Variants in EXT1 observed in about 807,000 individuals in gnomAD.
EXT1 encodes exostosin-1.
Under a neutral mutation model 82.5 loss-of-function variants are expected in EXT1, and 20 were observed. The ratio of observed to expected loss-of-function variants is 0.24; its 90% CI spans 0.17 to 0.35. The LOEUF (loss-of-function observed/expected upper bound fraction) is 0.35. EXT1 is among the 10% of genes least tolerant of loss of function. The probability of loss-of-function intolerance (pLI) is 1.00; values close to 1 mark genes in which losing one functional copy is unlikely to be tolerated. For synonymous variants in EXT1, 348 were observed against 350.8 expected (o/e 0.99, Z 0.09); for missense variants, 757 against 936.5 (o/e 0.81, Z 2.50).
At chr8:117,929,723 C>T (rs920999157) in intron 1 of EXT1, among the ~76,000 whole-genome samples, 2 of 152,166 alleles carry the variant, frequency 1.3e-5, no homozygotes, top group Non-Finnish European at 2.9e-5. Context: ...CTTTCACAGC[C>T]GGATTAACAT....
chr8:117,874,633 G>C (rs1213881429), intron 1 of EXT1, among the ~76,000 whole-genome samples: 1 of 145,322 alleles, frequency 6.9e-6, no homozygotes, highest in Admixed American at 6.8e-5. Context: ...TAATTTGATA[G>C]ATGAGCTATC....
intron 1 of EXT1, among the ~76,000 whole-genome samples, chr8:118,066,353 T>TTTATTTAA (rs1563645320): frequency 5.3e-5 from 8 of 150,636 alleles, no homozygotes; most frequent in Non-Finnish European, 1.2e-4. Context: ...TATTTATTTA[T>TTTATTTAA]TTATTTATTT....
intron 1 of EXT1, among the ~76,000 whole-genome samples, chr8:117,997,134 C>T (rs1271776675): frequency 6.6e-6 from 1 of 151,860 alleles, no homozygotes; most frequent in African/African-American, 2.4e-5. Context: ...CAATGAAGCT[C>T]ATTAACTAGG....
chr8:117,893,303 A>G (rs191020954), intron 1 of EXT1, among the ~76,000 whole-genome samples: 1 of 152,340 alleles, frequency 6.6e-6, no homozygotes, highest in Non-Finnish European at 1.5e-5. Flanking sequence ...GAAAAACATG[A>G]GCATTTTCCA....
intron 1 of EXT1, among the ~76,000 whole-genome samples, chr8:117,857,782 T>C (rs113565847): frequency 1.3e-5 from 2 of 152,212 alleles, no homozygotes; most frequent in African/African-American, 4.8e-5. Context: ...CTGACAGAGA[T>C]GGTGATTCCT....
intron 1 of EXT1, among the ~76,000 whole-genome samples, chr8:118,069,799 C>T (rs1817054704): frequency 6.6e-6 from 1 of 151,878 alleles, no homozygotes; most frequent in Admixed American, 6.6e-5. Context: ...ATGCAAGGAC[C>T]AGGGTGAAAA....
chr8:117,858,849 GAAAGAAAGAAAGAAAGAAAGAAAGAAA>G (rs1563582284), intron 1 of EXT1, among the ~76,000 whole-genome samples: 7,288 of 74,020 alleles, frequency 0.098, 1,031 homozygotes, highest in Middle Eastern at 0.12. Flanking sequence ...AGGAAGGAAA[GAAAGAAAGAAAGAAAGAAAGAAAGAAA>G]GAAAGAAAGA....
intron 1 of EXT1, among the ~76,000 whole-genome samples, chr8:118,103,632 C>T (rs1004478022): frequency 2.0e-5 from 3 of 152,102 alleles, no homozygotes; most frequent in African/African-American, 4.8e-5. Context: ...CCACCTGCAG[C>T]GACATCTCCA....
chr8:117,906,548 C>T lies in EXT1; in HGVS notation c.963-69347G>A, dbSNP rs186101479. ...AATATCCTCCAGTATGACAGCTCTC[C>T]AACACCTTATGACCTCAGAAAATGT... On this transcript the variant is annotated intron_variant, in intron 1 of 10. Transcript: ENST00000378204. Among the ~76,000 whole-genome samples the T allele has an allele frequency of 2.6e-5, 4 of 152,298 alleles. No individual in the cohort carries two copies. The East Asian group carries it at 7.7e-4, about 29-fold the overall frequency.
At chr8:117,835,130 A>G (rs763523645) in intron 3 of EXT1, among the ~76,000 whole-genome samples, 1 of 152,238 alleles carries the variant, frequency 6.6e-6, no homozygotes, top group Non-Finnish European at 1.5e-5. Context: ...GTAGGGTAGA[A>G]TAAAAACTCT....
At chr8:117,918,123 A>C (rs1813788691) in intron 1 of EXT1, among the ~76,000 whole-genome samples, 1 of 152,158 alleles carries the variant, frequency 6.6e-6, no homozygotes, top group South Asian at 2.1e-4. Context: ...ACAGCACGAG[A>C]TGCTGTAACA....
At chr8:118,101,719 C>A (rs75420977) in intron 1 of EXT1, among the ~76,000 whole-genome samples, 1 of 152,126 alleles carries the variant, frequency 6.6e-6, no homozygotes, top group East Asian at 1.9e-4. Flanking sequence ...TTCAAAGGCC[C>A]CCTGGCAGGA....
chr8:117,849,747 A>C (rs1156467604), intron 1 of EXT1, among the ~76,000 whole-genome samples: 19 of 152,206 alleles, frequency 1.2e-4, no homozygotes. Context: ...TTAATAACTA[A>C]AGCATTTATG....
intron 1 of EXT1, among the ~76,000 whole-genome samples, chr8:117,847,095 G>C (rs986481190): frequency 6.6e-6 from 1 of 152,096 alleles, no homozygotes; most frequent in African/African-American, 2.4e-5. Context: ...CTTAAGGGCC[G>C]GCCTACTGTA....
chr8:118,017,679 T>G (rs1284119067), intron 1 of EXT1, among the ~76,000 whole-genome samples: 1 of 152,224 alleles, frequency 6.6e-6, no homozygotes, highest in Non-Finnish European at 1.5e-5. Flanking sequence ...CAAAATGGCT[T>G]TTGCAAATTA....
chr8:118,011,689 T>A (rs1815902735), intron 1 of EXT1, among the ~76,000 whole-genome samples: 1 of 152,204 alleles, frequency 6.6e-6, no homozygotes, highest in Non-Finnish European at 1.5e-5. Flanking sequence ...ATTCCCTGCA[T>A]CTGTCACTCC....
intron 1 of EXT1, among the ~76,000 whole-genome samples, chr8:118,086,770 C>A (rs1817426955): frequency 6.6e-6 from 1 of 152,138 alleles, no homozygotes; most frequent in African/African-American, 2.4e-5. Context: ...GAAACCACTA[C>A]TCAAACAGGA....
chr8:117,835,565 G>A lies in EXT1; in HGVS notation c.1057-14C>T. On this transcript the variant is annotated splice_polypyrimidine_tract_variant and intron_variant, in intron 2 of 10. Transcript: ENST00000378204. The stretch of plus-strand genomic sequence containing the variant: ...GACGCAGGCAGCCTGAGCAAAAAAG[G>A]GGACTTCGTGAATGTGAGGAAAGCG... 3 of 1,595,322 alleles carry A rather than the reference G, an allele frequency of 1.9e-6. No individual in the cohort carries two copies. The highest frequency in any genetic ancestry group is 2.6e-6 in the Non-Finnish European group (3 of 1,162,678).
At position 118,036,620 on chromosome 8, in the gene EXT1, C is replaced by T. The variant is rs144268170; in HGVS notation, c.962+73465G>A. Among the ~76,000 whole-genome samples the T allele has an allele frequency of 1.5e-4, 23 of 152,114 alleles. No individual in the cohort carries two copies. The East Asian group carries it at 3.7e-3, about 24-fold the overall frequency. On this transcript the variant is annotated intron_variant, in intron 1 of 10. Coordinates refer to ENST00000378204, the MANE Select transcript of EXT1 (RefSeq NM_000127.3). ...GGGTCATTTATTCTAGTAATGTTTC[C>T]GTTTTTAATAGAAAATGTTACTTCT...
Sources: gnomAD v4.1 joint callset for allele counts (sites outside exome capture counted in the v4.1 genomes callset) on GRCh38, gnomAD v4.1.1 for gene constraint, MANE v1.5 for transcripts, NCBI Gene and HGNC (gene_info 2026-07-23, HGNC 2026-07-21) for gene names.